SPRTN: variants seen among roughly 807,000 people sequenced by gnomAD.
SPRTN encodes SprT-like N-terminal domain.
Under a neutral mutation model 31.9 loss-of-function variants are expected in SPRTN, and 11 were observed. That is an observed-to-expected ratio of 0.34 (90% CI 0.22 to 0.57). The LOEUF (loss-of-function observed/expected upper bound fraction) is 0.57, where lower values mean the gene tolerates loss of function less well. SPRTN is among the 20% of genes least tolerant of loss of function. The pLI, the probability that SPRTN is intolerant of heterozygous loss-of-function variation, is 0.86. For synonymous variants in SPRTN, 185 were observed against 212.1 expected (o/e 0.87, Z 1.11); for missense variants, 482 against 590.1 (o/e 0.82, Z 1.90).
intron 2 of SPRTN, among the ~76,000 whole-genome samples, chr1:231,346,981 C>T (rs1687081787): frequency 6.6e-6 from 1 of 151,930 alleles, no homozygotes; most frequent in Non-Finnish European, 1.5e-5. Context: ...TAGTTGAATT[C>T]ATTGATTTTT....
rs757430653 is a variant in SPRTN, at chr1:231,352,853, G to A, written c.962G>A (p.Ser321Asn). ...KNSHLVSPAVSNSHQNVLSNY... is the reference protein window; with the variant it reads ...KNSHLVSPAVNNSHQNVLSNY... ...TCTCATCTGGTCTCCCCTGCTGTTA[G>A]TAACAGTCACCAAAATGTTCTAAGC... Residue 321 changes from serine (S) to asparagine (N), a missense_variant, in exon 5 of 5, where the codon AGT becomes AAT. Physicochemically the swap from Ser to Asn is conservative, Grantham distance 46. Transcript: ENST00000295050. 6 of 1,614,070 alleles carry A rather than the reference G, an allele frequency of 3.7e-6. No individual in the cohort carries two copies. The highest frequency in any genetic ancestry group is 1.6e-4 in the Middle Eastern group (1 of 6,062).
At chr1:231,342,797 G>A (rs1021339315) in intron 2 of SPRTN, among the ~76,000 whole-genome samples, 3 of 150,212 alleles carry the variant, frequency 2.0e-5, no homozygotes, top group South Asian at 2.1e-4. Flanking sequence ...GTACAGTGGC[G>A]CATCTCCACT....
chr1:231,339,221 TCAAA>T (rs1019737206), intron 1 of SPRTN, among the ~76,000 whole-genome samples: 10 of 152,368 alleles, frequency 6.6e-5, no homozygotes, highest in Admixed American at 4.6e-4. Context: ...CAACCTACTG[TCAAA>T]CAAATTAAGA....
rs1420092851 is a variant in SPRTN, at chr1:231,352,716, A to T, written c.825A>T (p.Ser275=). The T allele has an allele frequency of 6.2e-7, 1 of 1,614,162 alleles. No individual in the cohort carries two copies. Among genetic ancestry groups the T allele is most frequent in the Non-Finnish European group, 8.5e-7 (1 of 1,179,988 alleles). Residue 275 remains serine (S), a synonymous_variant, in exon 5 of 5, where the codon TCA becomes TCT. Transcript: ENST00000295050. ...CTTCACCTGGGAAACTGATCACTTC[A>T]CATGCCATTAATAAAACCCAAGATC... The part of the protein sequence containing the change: ...NLPSPGKLIT[S]HAINKTQDLL...
rs536855918 is a variant in SPRTN at position 231,353,366 on chromosome 1, G to T, written c.*5G>T. On this transcript the variant is annotated 3_prime_UTR_variant, in exon 5 of 5. Transcript: ENST00000295050. Reference sequence around the variant, plus strand: ...AAAAGCGAAGAAAGTCTTTGAAAAAGGTTTCAAAGTCTCAAGTACCACCTG... The same window carrying T: ...AAAAGCGAAGAAAGTCTTTGAAAAATGTTTCAAAGTCTCAAGTACCACCTG... 13 of 1,566,038 alleles carry T rather than the reference G, an allele frequency of 8.3e-6. No individual in the cohort carries two copies. In the Admixed American group the frequency reaches 2.0e-4, roughly 24 times the overall value.
intron 2 of SPRTN, chr1:231,344,761 A>G (rs1009227): frequency 0.61 from 176,779 of 290,524 alleles, 55,316 homozygotes; most frequent in Middle Eastern, 0.73. Context: ...AAAATTATTT[A>G]TATTTTTTAG....
intron 3 of SPRTN, among the ~76,000 whole-genome samples, chr1:231,350,221 A>T (rs948970038): frequency 1.3e-5 from 2 of 152,210 alleles, no homozygotes. Flanking sequence ...TGAGTTTAAA[A>T]CTATCTATAG....
intron 2 of SPRTN, among the ~76,000 whole-genome samples, chr1:231,341,586 A>G (rs1450031620): frequency 6.6e-6 from 1 of 152,218 alleles, no homozygotes; most frequent in Non-Finnish European, 1.5e-5. Flanking sequence ...GAAAAGTGGG[A>G]TATTTTATAA....
At chr1:231,339,701 C>T (rs1686804731) in intron 1 of SPRTN, 68 bp from the exon 2 acceptor site, 22 of 1,525,854 alleles carry the variant, frequency 1.4e-5, no homozygotes, top group South Asian at 1.0e-4. Flanking sequence ...TGTGAACTGC[C>T]CAAGAATGTG....
intron 2 of SPRTN, among the ~76,000 whole-genome samples, chr1:231,341,472 G>A (rs1386615411): frequency 1.3e-5 from 2 of 151,998 alleles, no homozygotes; most frequent in Non-Finnish European, 2.9e-5. Flanking sequence ...TGCTCAAAAA[G>A]TTTTAGATTT....
At chr1:231,350,883 C>G (rs1434104401) in intron 3 of SPRTN, among the ~76,000 whole-genome samples, 1 of 151,978 alleles carries the variant, frequency 6.6e-6, no homozygotes, top group African/African-American at 2.4e-5. Context: ...GCTATTTTTA[C>G]TTATAGGGAA....
chr1:231,341,225 T>A (rs1453403856), intron 2 of SPRTN, among the ~76,000 whole-genome samples: 1 of 151,830 alleles, frequency 6.6e-6, no homozygotes, highest in African/African-American at 2.4e-5. Context: ...TATTTTAAGT[T>A]TAAAAGGATG....
chr1:231,340,637 G>A (rs559173186), intron 2 of SPRTN, among the ~76,000 whole-genome samples: 2 of 152,082 alleles, frequency 1.3e-5, no homozygotes, highest in Non-Finnish European at 2.9e-5. Flanking sequence ...ACCAGTGTGA[G>A]GGCACGCTTC....
At chr1:231,340,661 GTACT>G (rs937522737) in intron 2 of SPRTN, among the ~76,000 whole-genome samples, 5 of 152,056 alleles carry the variant, frequency 3.3e-5, no homozygotes, top group Non-Finnish European at 5.9e-5. Context: ...TTTAGAGCTG[GTACT>G]TACTTCTGCT....
At chr1:231,338,926 C>T (rs1686775631) in intron 1 of SPRTN, among the ~76,000 whole-genome samples, 1 of 152,150 alleles carries the variant, frequency 6.6e-6, no homozygotes, top group African/African-American at 2.4e-5. Flanking sequence ...GCTGTAGGAC[C>T]CAGAAGGGAG....
chr1:231,346,419 A>G (rs1341627694), intron 2 of SPRTN, among the ~76,000 whole-genome samples: 1 of 146,166 alleles, frequency 6.8e-6, no homozygotes. Flanking sequence ...GTTGAGCAGG[A>G]TGGTCTCAAT....
rs540872339 is a variant in SPRTN at position 231,352,622 on chromosome 1, G to T, written c.731G>T (p.Arg244Ile). 4.4e-6 allele frequency: 7 copies of T among 1,583,866 alleles called. No homozygotes were observed. The South Asian group carries it at 8.2e-5, about 19-fold the overall frequency. Reference protein sequence around the residue: ...LAAENKDKPNRGEAQLVIPFS... With the variant: ...LAAENKDKPNIGEAQLVIPFS... The stretch of plus-strand genomic sequence containing the variant: ...GCTTTTTTGGCAGATAAACCCAACA[G>T]AGGTGAGGCCCAGCTAGTAATCCCT... The change falls in exon 5 of 5, where the codon AGA becomes ATA. Residue 244 changes from arginine to isoleucine, a missense_variant. Transcript: ENST00000295050.
At chr1:231,345,659 T>C (rs1411981249) in intron 2 of SPRTN, among the ~76,000 whole-genome samples, 1 of 152,228 alleles carries the variant, frequency 6.6e-6, no homozygotes, top group Non-Finnish European at 1.5e-5. Context: ...CATTTGTAAT[T>C]TTGTTAGATG....
rs145060091 is a variant in SPRTN, at chr1:231,347,881, A to G, written c.406A>G (p.Lys136Glu). 3 of 1,614,016 alleles carry G rather than the reference A, an allele frequency of 1.9e-6. No individual in the cohort carries two copies. In the African/African-American group the frequency reaches 4.0e-5, roughly 22 times the overall value. Reference sequence around the variant, plus strand: ...AGAAGGGCATGGTCCAGAATTTTGTAAACATATGCATCGCATCAACAGCCT... The same window carrying G: ...AGAAGGGCATGGTCCAGAATTTTGTGAACATATGCATCGCATCAACAGCCT... The part of the protein sequence containing the change: ...DREGHGPEFC[K>E]HMHRINSLTG... The change falls in exon 3 of 5, where the codon AAA (lysine) becomes GAA (glutamate). Residue 136 changes from lysine to glutamate, a missense_variant. By Grantham distance (56) the Lys-to-Glu change is moderately conservative (BLOSUM62 1). This residue lies in a region of SPRTN where 157 missense variants were observed against 239.9 expected (regional missense o/e 0.65). Transcript: ENST00000295050.
Sources: allele counts gnomAD v4.1 joint callset (sites outside exome capture counted in the v4.1 genomes callset), GRCh38; gene constraint gnomAD v4.1.1; regional missense constraint gnomAD v4.1.1; transcripts MANE v1.5; gene names NCBI Gene and HGNC (gene_info 2026-07-23, HGNC 2026-07-21).